SNRPN: variants seen among roughly 807,000 people sequenced by gnomAD.
SNRPN encodes the protein small nuclear ribonucleoprotein polypeptide N.
In SNRPN, 7 loss-of-function variants were observed where a neutral mutation model predicts 25.2. That is an observed-to-expected ratio of 0.28 (90% CI 0.16 to 0.52). The LOEUF (loss-of-function observed/expected upper bound fraction) is 0.52, where lower values mean the gene tolerates loss of function less well. Ranked by LOEUF, SNRPN falls within the 20% of genes least tolerant of loss-of-function variation. SNRPN has a pLI of 0.96. For missense variants in SNRPN, 196 were observed against 322.5 expected (o/e 0.61, Z 3.00); for synonymous variants, 124 against 110.6 (o/e 1.12, Z -0.76).
intron 1 of SNRPN, among the ~76,000 whole-genome samples, chr15:24,826,152 G>A (rs1452409374): frequency 6.6e-6 from 1 of 151,904 alleles, no homozygotes; most frequent in Non-Finnish European, 1.5e-5. Flanking sequence ...TTTTTCTCCT[G>A]GACTGCTCTG....
chr15:24,956,364 G>GGGGGGGGGGGGC (rs2062889530), intron 1 of SNRPN, among the ~76,000 whole-genome samples: 1 of 151,144 alleles, frequency 6.6e-6, no homozygotes, highest in African/African-American at 2.4e-5. Context: ...CGGGGGGGTG[G>GGGGGGGGGGGGC]CCGCTTCCTC....
intron 2 of SNRPN, among the ~76,000 whole-genome samples, chr15:24,844,887 C>A (rs2052049335): frequency 6.6e-6 from 1 of 152,120 alleles, no homozygotes; most frequent in Non-Finnish European, 1.5e-5. Context: ...TTGCTTAACA[C>A]AAGGTCATAA....
chr15:24,945,628 A>T (rs2061836753), intron 3 of SNRPN, among the ~76,000 whole-genome samples: 1 of 152,104 alleles, frequency 6.6e-6, no homozygotes, highest in Non-Finnish European at 1.5e-5. Context: ...TTTCTAAAAC[A>T]TAGGCATGGT....
intron 3 of SNRPN, among the ~76,000 whole-genome samples, chr15:24,924,391 C>T (rs949426275): frequency 6.6e-6 from 1 of 152,004 alleles, no homozygotes; most frequent in Non-Finnish European, 1.5e-5. Flanking sequence ...GTCTACTCTC[C>T]TCTCCTGTGA....
chr15:24,845,413 C>CA (rs1365521949), intron 2 of SNRPN, among the ~76,000 whole-genome samples: 2 of 151,944 alleles, frequency 1.3e-5, no homozygotes, highest in Non-Finnish European at 1.5e-5. Flanking sequence ...GCCTGACCAA[C>CA]ATGGGGAAAC....
upstream of SNRPN, among the ~76,000 whole-genome samples, chr15:24,954,673 C>A (rs1031477097): frequency 1.3e-5 from 2 of 152,164 alleles, no homozygotes; most frequent in Non-Finnish European, 2.9e-5. Context: ...ATTGTTTGGC[C>A]AGTGGTGTGT....
intron 1 of SNRPN, among the ~76,000 whole-genome samples, chr15:24,961,849 A>G (rs2074883457): frequency 6.6e-6 from 1 of 152,112 alleles, no homozygotes. Flanking sequence ...CTACAAATAG[A>G]GGTAGATATA....
intron 1 of SNRPN, among the ~76,000 whole-genome samples, chr15:24,873,683 G>A (rs1010780847): frequency 1.3e-4 from 20 of 152,102 alleles, no homozygotes; most frequent in East Asian, 3.9e-4. Context: ...TCCTGACCTC[G>A]TGATCCACCT....
Position 24,956,433 on chromosome 15 carries a change from G to A in SNRPN, c.-391+1371G>A, listed in dbSNP as rs766876210. ...GTGTGTGTTCAGCTTCTGCTGTTTC[G>A]GAGTTTCAGCCGTACCCTCTTTAGG... is the stretch of plus-strand genomic sequence containing the variant. On this transcript the variant is annotated intron_variant, in intron 1 of 9. Coordinates refer to ENST00000390687, the MANE Select transcript of SNRPN (RefSeq NM_003097.6). Among the ~76,000 whole-genome samples the A allele has an allele frequency of 2.3e-4, 35 of 151,934 alleles. 1 individual carries two copies. Among genetic ancestry groups the A allele is most frequent in the Non-Finnish European group, 4.9e-4 (33 of 68,000 alleles).
At chr15:24,856,907 G>A (rs1327314776) in intron 1 of SNRPN, among the ~76,000 whole-genome samples, 1 of 151,978 alleles carries the variant, frequency 6.6e-6, no homozygotes, top group Non-Finnish European at 1.5e-5. Context: ...AAAATATCTT[G>A]TCAGTTATTT....
chr15:24,974,532 G>C, intron 4 of SNRPN, 76 bp downstream of exon 4: 1 of 1,364,630 alleles, frequency 7.3e-7, no homozygotes, highest in Non-Finnish European at 1.0e-6. Flanking sequence ...CATGTGCAGT[G>C]ATCTTGGGTT....
chr15:24,958,026 T>C (rs1322763666), intron 1 of SNRPN, among the ~76,000 whole-genome samples: 13 of 152,262 alleles, frequency 8.5e-5, no homozygotes, highest in East Asian at 1.9e-4. Context: ...GAGACCCTTA[T>C]GTTGTTGTCT....
upstream of SNRPN, among the ~76,000 whole-genome samples, chr15:24,952,918 GA>G (rs56959594): frequency 3.3e-5 from 5 of 151,194 alleles, no homozygotes; most frequent in East Asian, 7.7e-4. Context: ...AGGATATTAG[GA>G]AAAAAAAGAA....
intron 2 of SNRPN, among the ~76,000 whole-genome samples, chr15:24,965,646 G>A (rs189333851): frequency 5.1e-4 from 78 of 152,262 alleles, no homozygotes; most frequent in Admixed American, 4.7e-3. Context: ...ATGATGTATC[G>A]TGAGTTCGAA....
chr15:24,935,185 TTGC>T (rs2061143135), intron 3 of SNRPN, among the ~76,000 whole-genome samples: 4 of 151,896 alleles, frequency 2.6e-5, no homozygotes, highest in Non-Finnish European at 4.4e-5. Flanking sequence ...GGCAGGAGAA[TTGC>T]CTGAACCCGG....
At chr15:24,967,707 C>G (rs1290819782) in intron 2 of SNRPN, among the ~76,000 whole-genome samples, 1 of 148,100 alleles carries the variant, frequency 6.8e-6, no homozygotes, top group East Asian at 2.0e-4. Flanking sequence ...ACTTGGGAGG[C>G]TGAGGCAGGA....
At chr15:24,890,651 C>T (rs796833829) in intron 2 of SNRPN, among the ~76,000 whole-genome samples, 1 of 152,104 alleles carries the variant, frequency 6.6e-6, no homozygotes, top group African/African-American at 2.4e-5. Flanking sequence ...TGCACTCCAG[C>T]CTGGGCAACA....
upstream of SNRPN, among the ~76,000 whole-genome samples, chr15:24,953,751 TTA>T (rs2062467058): frequency 6.6e-6 from 1 of 152,254 alleles, no homozygotes; most frequent in African/African-American, 2.4e-5. Context: ...ATTGACAATT[TTA>T]TATGATTCAG....
chr15:24,918,368 GTA>G (rs1349786672), intron 2 of SNRPN, among the ~76,000 whole-genome samples: 2 of 79,220 alleles, frequency 2.5e-5, no homozygotes, highest in Non-Finnish European at 5.2e-5. Flanking sequence ...ATATATATGT[GTA>G]TATATATAAC....
Sources: allele counts gnomAD v4.1 joint callset (sites outside exome capture counted in the v4.1 genomes callset), GRCh38; gene constraint gnomAD v4.1.1; transcripts MANE v1.5; gene names NCBI Gene and HGNC (gene_info 2026-07-23, HGNC 2026-07-21).